The following STPG2 variants were observed in gnomAD, a reference collection of about 807,000 sequenced individuals.
STPG2 encodes sperm tail PG-rich repeat containing 2.
STPG2 carries 56 observed loss-of-function variants against 54.2 expected under a neutral mutation model. The ratio of observed to expected loss-of-function variants is 1.03; its 90% CI spans 0.83 to 1.29. The LOEUF (loss-of-function observed/expected upper bound fraction) is 1.29. Ranked by LOEUF, STPG2 falls within the 50% of genes most tolerant of loss-of-function variation. The pLI is 0.00. For missense variants in STPG2, 596 were observed against 544.9 expected (o/e 1.09, Z -0.93); for synonymous variants, 200 against 181.8 (o/e 1.10, Z -0.81).
intron 4 of STPG2, among the ~76,000 whole-genome samples, chr4:97,551,765 C>T (rs1731971287): frequency 6.6e-6 from 1 of 152,116 alleles, no homozygotes; most frequent in Non-Finnish European, 1.5e-5. Flanking sequence ...CTTATTATTG[C>T]TACAAAAATA....
At chr4:97,506,364 G>C (rs1487968697) in intron 4 of STPG2, among the ~76,000 whole-genome samples, 1 of 151,808 alleles carries the variant, frequency 6.6e-6, no homozygotes, top group Non-Finnish European at 1.5e-5. Context: ...TGGAGGTTTA[G>C]ATTGGAGGCG....
At chr4:97,610,524 G>C (rs2865799) in intron 10 of STPG2, among the ~76,000 whole-genome samples, 73,643 of 151,826 alleles carry the variant, frequency 0.49, 19,859 homozygotes, top group South Asian at 0.65. Context: ...AAAGGCAAGA[G>C]TAGCCATGGG....
intron 9 of STPG2, among the ~76,000 whole-genome samples, chr4:97,834,280 T>C (rs939944483): frequency 7.9e-5 from 12 of 152,206 alleles, no homozygotes; most frequent in African/African-American, 2.6e-4. Context: ...ACACCACATG[T>C]TCTCACTCAT....
intron 5 of STPG2, among the ~76,000 whole-genome samples, chr4:98,018,972 T>C (rs1005337516): frequency 6.6e-6 from 1 of 151,990 alleles, no homozygotes; most frequent in Non-Finnish European, 1.5e-5. Context: ...CTAGGTTGCC[T>C]GTTCACTCTG....
chr4:97,442,613 CA>C (rs1729118090), intron 4 of STPG2, among the ~76,000 whole-genome samples: 1 of 151,968 alleles, frequency 6.6e-6, no homozygotes, highest in Non-Finnish European at 1.5e-5. Flanking sequence ...TAAAGTTAGA[CA>C]GGGGGCTAGT....
chr4:97,761,465 T>C (rs1725887051), intron 9 of STPG2, among the ~76,000 whole-genome samples: 1 of 152,116 alleles, frequency 6.6e-6, no homozygotes. Flanking sequence ...TTCTCTCCTA[T>C]AGGTTTCGGA....
intron 8 of STPG2, among the ~76,000 whole-genome samples, chr4:97,886,766 T>C (rs1268352345): frequency 1.3e-5 from 2 of 152,230 alleles, no homozygotes; most frequent in African/African-American, 2.4e-5. Flanking sequence ...CCAAATGTCA[T>C]GTCAAATTAT....
At chr4:97,952,274 G>C (rs977988654) in intron 7 of STPG2, among the ~76,000 whole-genome samples, 2 of 152,036 alleles carry the variant, frequency 1.3e-5, no homozygotes, top group African/African-American at 4.8e-5. Flanking sequence ...TGGTGGATGG[G>C]AGGAAAAAGA....
intron 10 of STPG2, among the ~76,000 whole-genome samples, chr4:97,615,477 G>A (rs7668180): frequency 0.15 from 23,347 of 151,770 alleles, 5,292 homozygotes; most frequent in African/African-American, 0.5. Context: ...TTTTAGAGAC[G>A]AAATCTTGCT....
chr4:97,520,240 A>T (rs1292373342), intron 4 of STPG2, among the ~76,000 whole-genome samples: 1 of 152,082 alleles, frequency 6.6e-6, no homozygotes, highest in Non-Finnish European at 1.5e-5. Context: ...TTAGAGTCTG[A>T]GTTTAAAGGG....
intron 8 of STPG2, among the ~76,000 whole-genome samples, chr4:97,856,854 T>A (rs1481847871): frequency 1.3e-5 from 2 of 152,230 alleles, no homozygotes; most frequent in East Asian, 3.9e-4. Context: ...GTTTATGCAG[T>A]GTTTTTAACA....
intron 9 of STPG2, among the ~76,000 whole-genome samples, chr4:97,807,955 T>A (rs1727622210): frequency 6.6e-6 from 1 of 152,008 alleles, no homozygotes; most frequent in African/African-American, 2.4e-5. Context: ...AGTATTTAGA[T>A]GTTTTTGAAT....
chr4:97,983,255 CT>C (rs772833690), intron 5 of STPG2, among the ~76,000 whole-genome samples: 1 of 151,836 alleles, frequency 6.6e-6, no homozygotes, highest in African/African-American at 2.4e-5. Context: ...ATAACATTTC[CT>C]TTTTTCTAGC....
In STPG2 at chr4:97,790,028, C is replaced by A. The variant is rs532084498; in HGVS notation, c.1204+50745G>T. Among the ~76,000 whole-genome samples the A allele has an allele frequency of 5.9e-4, 89 of 151,640 alleles. No homozygotes were observed. The East Asian group carries it at 7.0e-3, about 12-fold the overall frequency. Reference sequence around the variant, plus strand: ...GGCCTTACATGAAAAGTTTAAACAACAAAAAAAAATTTACATAATTATCAG... The same window carrying A: ...GGCCTTACATGAAAAGTTTAAACAAAAAAAAAAAATTTACATAATTATCAG... On this transcript the variant is annotated intron_variant, in intron 9 of 10. Coordinates refer to ENST00000295268, the MANE Select transcript of STPG2 (RefSeq NM_174952.3).
At chr4:97,560,320 A>G (rs1463133119) in intron 10 of STPG2, among the ~76,000 whole-genome samples, 1 of 152,154 alleles carries the variant, frequency 6.6e-6, no homozygotes. Context: ...CTCTGTCATC[A>G]ATCATATTGT....
chr4:97,520,887 T>C (rs1578359301), intron 4 of STPG2, among the ~76,000 whole-genome samples: 4 of 152,142 alleles, frequency 2.6e-5, no homozygotes. Flanking sequence ...TGGGGGTTTT[T>C]TTGGTTATAG....
chr4:97,563,254 T>C (rs1238992927), intron 10 of STPG2, among the ~76,000 whole-genome samples: 2 of 152,196 alleles, frequency 1.3e-5, no homozygotes, highest in Non-Finnish European at 2.9e-5. Flanking sequence ...TATTCCCTGA[T>C]GGTAGTTTGT....
rs1730667524 is a variant in STPG2 at position 97,499,036 on chromosome 4, G to C, written c.462+213663C>G. Among the ~76,000 whole-genome samples, 3 of 151,960 alleles carry C rather than the reference G, an allele frequency of 2.0e-5. No individual in the cohort carries two copies. The South Asian group carries it at 6.2e-4, about 31-fold the overall frequency. On this transcript the variant is annotated intron_variant, in intron 4 of 4. Transcript: ENST00000522676. ...TGTAAATTCTCATCAATACTCTGTA[G>C]TTTTTAGTGAACCTAACTGAGGGAG...
intron 8 of STPG2, among the ~76,000 whole-genome samples, chr4:97,939,903 C>A (rs1732909978): frequency 6.6e-6 from 1 of 152,058 alleles, no homozygotes; most frequent in Non-Finnish European, 1.5e-5. Context: ...TCACACTGGT[C>A]CTGTGTGTTT....
Sources: allele counts gnomAD v4.1 joint callset (sites outside exome capture counted in the v4.1 genomes callset), GRCh38; gene constraint gnomAD v4.1.1; transcripts MANE v1.5; gene names NCBI Gene and HGNC (gene_info 2026-07-23, HGNC 2026-07-21).